CELF2: variants seen among roughly 807,000 people sequenced by gnomAD.
CELF2 encodes the protein CUGBP Elav-like family member 2, also known as CUG triplet repeat RNA-binding protein 2.
CELF2 carries 8 observed loss-of-function variants against 62.6 expected under a neutral mutation model. The observed-to-expected ratio is 0.13, with a 90% CI of 0.07 to 0.23. The LOEUF is 0.23. CELF2 is among the 10% of genes least tolerant of loss of function. The pLI, the probability that CELF2 is intolerant of heterozygous loss-of-function variation, is 1.00. For missense variants in CELF2, 333 were observed against 671.0 expected, an observed-to-expected ratio of 0.50 and a Z score of 5.56; for synonymous variants, 258 against 250.0, an observed-to-expected ratio of 1.03 and a Z score of -0.30.
At chr10:11,000,897 C>T (rs532153625), upstream of CELF2, among the ~76,000 whole-genome samples, 1 of 152,322 alleles carries the variant, frequency 6.6e-6, no homozygotes, top group African/African-American at 2.4e-5. Context: ...CCAGTGCTGC[C>T]CTGGGCTCCC....
intron 2 of CELF2, among the ~76,000 whole-genome samples, chr10:10,967,497 C>T (rs1009762855): frequency 8.6e-5 from 13 of 151,996 alleles, no homozygotes; most frequent in African/African-American, 2.2e-4. Context: ...GGATTTCATT[C>T]GGGGGAAATG....
At position 11,328,192 on chromosome 10, in the gene CELF2, G is replaced by A. The variant is rs2132717025; in HGVS notation, c.1439-734G>A. ...GTTGACTATGTATCCCCCAGACTTT[G>A]GGAGATGCCAGGGAGCAATTTCCTT... On this transcript the variant is annotated intron_variant, in intron 12 of 12. Coordinates refer to ENST00000633077, the MANE Select transcript of CELF2 (RefSeq NM_001326342.2). This position sits in a 1 kb window ranked among gnomAD's most constrained non-coding sequence, Gnocchi z 6.4. 6.6e-6 allele frequency among the ~76,000 whole-genome samples: 1 copy of A among 152,324 alleles called. No homozygotes were observed. Among genetic ancestry groups the A allele is most frequent in the South Asian group, 2.1e-4 (1 of 4,822 alleles).
chr10:10,893,876 C>G (rs1474431648), intron 1 of CELF2, among the ~76,000 whole-genome samples: 1 of 152,190 alleles, frequency 6.6e-6, no homozygotes, highest in Non-Finnish European at 1.5e-5. Flanking sequence ...GATCTAATCA[C>G]CTCCCACTAG....
At chr10:11,326,673 A>G (rs1356954354) in intron 12 of CELF2, among the ~76,000 whole-genome samples, 1 of 152,190 alleles carries the variant, frequency 6.6e-6, no homozygotes, top group Non-Finnish European at 1.5e-5. Flanking sequence ...CATTCATTAA[A>G]TATATTCCTT....
the CELF2 span, among the ~76,000 whole-genome samples, chr10:10,541,024 T>A: frequency 1.3e-5 from 2 of 151,742 alleles, no homozygotes; most frequent in East Asian, 3.9e-4. Context: ...GGTGGATCAT[T>A]TGAGGTCAGG....
intron 1 of CELF2, among the ~76,000 whole-genome samples, chr10:11,146,334 G>A (rs956343242): frequency 6.6e-6 from 1 of 152,196 alleles, no homozygotes; most frequent in African/African-American, 2.4e-5. Flanking sequence ...CTTTCTACCA[G>A]AGTATCTTTT....
At chr10:11,114,038 G>A (rs2055932682) in intron 1 of CELF2, among the ~76,000 whole-genome samples, 1 of 152,100 alleles carries the variant, frequency 6.6e-6, no homozygotes, top group Non-Finnish European at 1.5e-5. Context: ...GGCAAAAACG[G>A]CTCATAACAA....
the CELF2 span, among the ~76,000 whole-genome samples, chr10:10,765,560 G>A: frequency 6.6e-6 from 1 of 152,162 alleles, no homozygotes; most frequent in Non-Finnish European, 1.5e-5. Flanking sequence ...TGCCGTAAGA[G>A]GAAATATAAA....
At chr10:10,622,676 G>A in the CELF2 span, among the ~76,000 whole-genome samples, 1 of 151,864 alleles carries the variant, frequency 6.6e-6, no homozygotes, top group African/African-American at 2.4e-5. Context: ...ACAAAATAAA[G>A]CCGAGGTTAT....
the CELF2 span, among the ~76,000 whole-genome samples, chr10:10,673,594 CTTCTT>C: frequency 7.2e-5 from 11 of 151,926 alleles, no homozygotes; most frequent in South Asian, 8.3e-4. Flanking sequence ...TTAATTTCCT[CTTCTT>C]TTCTTAGTTT....
At chr10:10,583,461 A>G in the CELF2 span, among the ~76,000 whole-genome samples, 1 of 152,128 alleles carries the variant, frequency 6.6e-6, no homozygotes, top group East Asian at 1.9e-4. Flanking sequence ...TGGTCTCTCA[A>G]TGCCCCAAAG....
the CELF2 span, among the ~76,000 whole-genome samples, chr10:10,562,943 T>A: frequency 6.6e-6 from 1 of 150,854 alleles, no homozygotes; most frequent in African/African-American, 2.5e-5. Context: ...TTTTTAAAGC[T>A]AGGAACAAAG....
chr10:11,291,482 A>G (rs905062575), intron 9 of CELF2, among the ~76,000 whole-genome samples: 3 of 152,246 alleles, frequency 2.0e-5, no homozygotes, highest in African/African-American at 4.8e-5. Context: ...TAAATTGCCC[A>G]TGGTTAAAAT....
chr10:11,174,050 A>G (rs954417250), intron 2 of CELF2, among the ~76,000 whole-genome samples: 2 of 152,206 alleles, frequency 1.3e-5, no homozygotes, highest in African/African-American at 2.4e-5. Flanking sequence ...AGTGATGTAT[A>G]TTAGGTATAA....
chr10:10,822,643 A>G (rs978587133), intron 1 of CELF2, among the ~76,000 whole-genome samples: 46 of 152,350 alleles, frequency 3.0e-4, no homozygotes, highest in African/African-American at 1.1e-3. Context: ...TGCTTTTAAT[A>G]TATAGACCTG....
intron 1 of CELF2, among the ~76,000 whole-genome samples, chr10:10,835,827 A>T (rs1015314158): frequency 6.6e-6 from 1 of 152,236 alleles, no homozygotes; most frequent in African/African-American, 2.4e-5. Context: ...AAACAAATGC[A>T]TAATTGTAAG....
chr10:10,613,144 T>C, the CELF2 span, among the ~76,000 whole-genome samples: 75 of 152,184 alleles, frequency 4.9e-4, 3 homozygotes. Context: ...TAGAGGGTTT[T>C]TTTTTCCTAG....
the CELF2 span, among the ~76,000 whole-genome samples, chr10:10,783,135 G>A: frequency 6.6e-6 from 1 of 152,110 alleles, no homozygotes; most frequent in Non-Finnish European, 1.5e-5. Context: ...TCTTTCGGGT[G>A]GCAGAAAAGA....
the CELF2 span, among the ~76,000 whole-genome samples, chr10:10,506,013 A>G: frequency 6.6e-6 from 1 of 152,210 alleles, no homozygotes; most frequent in Admixed American, 6.5e-5. Flanking sequence ...TGAGTTGTAT[A>G]TAGACAAAGG....
Sources: gnomAD v4.1 joint callset for allele counts (sites outside exome capture counted in the v4.1 genomes callset) on GRCh38, gnomAD v4.1.1 for gene constraint, Gnocchi (gnomAD v3.1) non-coding constraint, MANE v1.5 for transcripts, NCBI Gene and HGNC (gene_info 2026-07-23, HGNC 2026-07-21) for gene names.